EMILIN2: variants seen among roughly 807,000 people sequenced by gnomAD.
The protein encoded by EMILIN2 is EMILIN-2.
A neutral mutation model predicts 87.1 loss-of-function variants in EMILIN2; 71 were observed. The ratio of observed to expected loss-of-function variants is 0.82; its 90% CI spans 0.67 to 0.99. The LOEUF (loss-of-function observed/expected upper bound fraction) is 0.99. Ranked by LOEUF, EMILIN2 falls within the 50% of genes least tolerant of loss-of-function variation. The pLI is 0.00. For missense variants in EMILIN2, 1,407 were observed against 1,371.8 expected (o/e 1.03, Z -0.40); for synonymous variants, 581 against 563.4 (o/e 1.03, Z -0.44).
Position 2,847,363 on chromosome 18 carries a change from C to CT in EMILIN2, c.134+42dup, listed in dbSNP as rs1483119282. 5.5e-6 allele frequency: 7 copies of CT among 1,275,544 alleles called. No individual in the cohort carries two copies. The East Asian group carries it at 2.0e-4, about 36-fold the overall frequency. 79.0% of individuals were successfully genotyped at this position (1,275,544 alleles called of 1,614,324 possible). A position where few individuals can be genotyped will look rare whatever the true frequency, so the allele number is the denominator to read the frequency against. On this transcript the variant is annotated intron_variant, in intron 1 of 7. Coordinates refer to ENST00000254528, the MANE Select transcript of EMILIN2 (RefSeq NM_032048.3). The surrounding 1 kb of genome is among the most constrained non-coding windows in gnomAD (Gnocchi z 4.5). ...TTGGCTGGCCCCAAACCGCCTACCC[C>CT]TCCCCGGCCCCCAGTTGAGCCCCAG...
At chr18:2,910,896 C>G (rs568000499) in intron 7 of EMILIN2, among the ~76,000 whole-genome samples, 3 of 152,334 alleles carry the variant, frequency 2.0e-5, no homozygotes, top group South Asian at 4.1e-4. Flanking sequence ...AGCTTGGCAT[C>G]TAAGGTCAGG....
At position 2,864,378 on chromosome 18, in the gene EMILIN2, T is replaced by G. The variant is rs541116269; in HGVS notation, c.257+16447T>G. Among the ~76,000 whole-genome samples the G allele has an allele frequency of 1.9e-3, 297 of 152,330 alleles. 14 individuals are homozygous for G. In the South Asian group the frequency reaches 0.059, roughly 30 times the overall value. On this transcript the variant is annotated intron_variant, in intron 2 of 7. Transcript: ENST00000254528. ...TGGTACCGGTTGTTCCTTTCCATAT[T>G]TAGTGCTTCCTGCAGGAGCTCTTTT... is the stretch of plus-strand genomic sequence containing the variant.
In EMILIN2 at chr18:2,891,005, A is replaced by T; in HGVS notation, c.878A>T (p.Gln293Leu). Residue 293 changes from glutamine (Q) to leucine (L), a missense_variant, in exon 4 of 8, where the codon CAG (glutamine) becomes CTG (leucine). Gln to Leu is a moderately radical substitution (Grantham distance 113, BLOSUM62 -2). Transcript: ENST00000254528. This position sits in a 1 kb window ranked among gnomAD's most constrained non-coding sequence, Gnocchi z 4.6. Reference sequence around the variant, plus strand: ...GGAAAAGTGAAGGGCTACGAAGGGCAGCTCAGACAGCTCCAGGAAGCAGCT... The same window carrying T: ...GGAAAAGTGAAGGGCTACGAAGGGCTGCTCAGACAGCTCCAGGAAGCAGCT... ...LDGKVKGYEG[Q>L]LRQLQEAAQG... 1 of 1,614,238 alleles carries T rather than the reference A, an allele frequency of 6.2e-7. No homozygotes were observed. Among genetic ancestry groups the T allele is most frequent in the Non-Finnish European group, 8.5e-7 (1 of 1,180,042 alleles).
intron 4 of EMILIN2, among the ~76,000 whole-genome samples, chr18:2,893,677 G>A (rs1178606950): frequency 2.0e-5 from 3 of 152,202 alleles, no homozygotes; most frequent in African/African-American, 4.8e-5. Context: ...GAGTCTGGGC[G>A]TGAAAGGAAG....
chr18:2,871,658 C>T (rs1161105347), intron 2 of EMILIN2, among the ~76,000 whole-genome samples: 1 of 152,130 alleles, frequency 6.6e-6, no homozygotes, highest in African/African-American at 2.4e-5. Context: ...GAAAGGACCA[C>T]GTGTTGCAAA....
chr18:2,892,419 G>C lies in EMILIN2; in HGVS notation c.2292G>C (p.Gln764His). The change falls in exon 4 of 8, where the codon CAG (glutamine) becomes CAC (histidine). Residue 764 changes from glutamine to histidine, a missense_variant. Physicochemically the swap from Gln to His is conservative, Grantham distance 24. Transcript: ENST00000254528. ...DISGLKNSVQ[Q>H]FYSHVFQIST... ...CTGGCCTGAAGAATTCAGTCCAGCAGTTCTACAGCCACGTCTTCCAGATTT... is the reference window on the plus strand; with the variant it reads ...CTGGCCTGAAGAATTCAGTCCAGCACTTCTACAGCCACGTCTTCCAGATTT... The C allele has an allele frequency of 1.2e-6, 2 of 1,613,534 alleles. No individual in the cohort carries two copies. The highest frequency in any genetic ancestry group is 2.2e-5 in the South Asian group (2 of 91,076).
At position 2,890,777 on chromosome 18, in the gene EMILIN2, A is replaced by T. The variant is rs772893330; in HGVS notation, c.650A>T (p.Gln217Leu). Reference sequence around the variant, plus strand: ...AGTGAAAATCTCAAACATGCCACTCAGGATGATGCCAGTAGAACACGGGCA... The same window carrying T: ...AGTGAAAATCTCAAACATGCCACTCTGGATGATGCCAGTAGAACACGGGCA... ...GVSENLKHAT[Q>L]DDASRTRAPG... The change falls in exon 4 of 8, where the codon CAG becomes CTG. Residue 217 changes from glutamine to leucine, a missense_variant. Coordinates refer to ENST00000254528, the MANE Select transcript of EMILIN2 (RefSeq NM_032048.3). The surrounding 1 kb of genome is among the most constrained non-coding windows in gnomAD (Gnocchi z 4.7). 4.3e-6 allele frequency: 7 copies of T among 1,613,682 alleles called. No individual in the cohort carries two copies. Among genetic ancestry groups the T allele is most frequent in the Non-Finnish European group, 3.4e-6 (4 of 1,179,816 alleles).
At chr18:2,865,638 G>T (rs1372951302) in intron 2 of EMILIN2, among the ~76,000 whole-genome samples, 1 of 152,218 alleles carries the variant, frequency 6.6e-6, no homozygotes, top group Non-Finnish European at 1.5e-5. Context: ...GTGCCTCCCA[G>T]TTAGGCTACT....
At position 2,847,221 on chromosome 18, in the gene EMILIN2, G is replaced by C; in HGVS notation, c.33G>C (p.Val11=). 3 of 1,250,288 alleles carry C rather than the reference G, an allele frequency of 2.4e-6. No individual in the cohort carries two copies. The highest frequency in any genetic ancestry group is 3.0e-6 in the Non-Finnish European group (3 of 998,410). 77.4% of individuals were successfully genotyped at this position (1,250,288 alleles called of 1,614,324 possible). Residue 11 remains valine (V), a synonymous_variant, in exon 1 of 8, where the codon GTG becomes GTC. Coordinates refer to ENST00000254528, the MANE Select transcript of EMILIN2 (RefSeq NM_032048.3). This position sits in a 1 kb window ranked among gnomAD's most constrained non-coding sequence, Gnocchi z 4.5. MWQPRRPWPR[V]PWRWALALLA... The stretch of plus-strand genomic sequence containing the variant: ...AGCCCAGACGGCCCTGGCCCCGCGT[G>C]CCCTGGCGCTGGGCGCTGGCGCTGC...
intron 2 of EMILIN2, among the ~76,000 whole-genome samples, chr18:2,851,460 CT>C (rs1440248538): frequency 6.6e-6 from 1 of 152,058 alleles, no homozygotes; most frequent in African/African-American, 2.4e-5. Flanking sequence ...AGCATTCTGC[CT>C]ATCTGGGGAC....
At chr18:2,852,133 G>A (rs1054533703) in intron 2 of EMILIN2, among the ~76,000 whole-genome samples, 1 of 152,198 alleles carries the variant, frequency 6.6e-6, no homozygotes, top group Non-Finnish European at 1.5e-5. Flanking sequence ...ATATAGAAGT[G>A]TTGAGAATGC....
intron 2 of EMILIN2, among the ~76,000 whole-genome samples, chr18:2,861,692 C>T (rs1457210341): frequency 3.3e-5 from 5 of 152,108 alleles, no homozygotes; most frequent in Non-Finnish European, 7.4e-5. Context: ...GTTCTTTTGG[C>T]TTAGGATTGA....
At chr18:2,906,275 G>C (rs1009782207) in intron 4 of EMILIN2, 1 of 152,778 alleles carries the variant, frequency 6.5e-6, no homozygotes, top group Admixed American at 6.5e-5. Flanking sequence ...CGACGTGGGC[G>C]CTGTGGCCGC....
chr18:2,868,958 T>G (rs1357876837), intron 2 of EMILIN2, among the ~76,000 whole-genome samples: 2 of 149,798 alleles, frequency 1.3e-5, no homozygotes, highest in Non-Finnish European at 3.0e-5. Context: ...GAAGGGAGTT[T>G]TTTTTTTTTT....
intron 2 of EMILIN2, among the ~76,000 whole-genome samples, chr18:2,852,659 C>A (rs1341408790): frequency 6.6e-6 from 1 of 152,164 alleles, no homozygotes; most frequent in Non-Finnish European, 1.5e-5. Flanking sequence ...GCTGAGATTA[C>A]AGGCCTGTAC....
chr18:2,888,963 A>C (rs143702642), intron 3 of EMILIN2, among the ~76,000 whole-genome samples: 1,610 of 152,180 alleles, frequency 0.011, 22 homozygotes, highest in Non-Finnish European at 0.013. Context: ...TTAATTTCCA[A>C]TGTTTTCCAG....
At chr18:2,909,161 T>G (rs1478748662) in intron 6 of EMILIN2, among the ~76,000 whole-genome samples, 186 bp downstream of exon 6, 1 of 152,186 alleles carries the variant, frequency 6.6e-6, no homozygotes, top group Non-Finnish European at 1.5e-5. Flanking sequence ...CCCCAAGGTT[T>G]GCTCCCCAGA....
At position 2,848,002 on chromosome 18, in the gene EMILIN2, G is replaced by C; in HGVS notation, c.257+71G>C. The C allele has an allele frequency of 6.8e-7, 1 of 1,474,846 alleles. No homozygotes were observed. Among genetic ancestry groups the C allele is most frequent in the Non-Finnish European group, 9.0e-7 (1 of 1,108,776 alleles). The allele number at this position is 1,474,846 out of a possible 1,614,324, so 91.4% of individuals were successfully genotyped here. On this transcript the variant is annotated intron_variant, in intron 2 of 7. Coordinates refer to ENST00000254528, the MANE Select transcript of EMILIN2 (RefSeq NM_032048.3). The surrounding 1 kb of genome is among the most constrained non-coding windows in gnomAD (Gnocchi z 4.1). ...GCGGTGGGGGTGGGGTGGGGTTGCT[G>C]CGCTGGGCTCCAGTCCCTCCGGTAA...
rs601071 is a variant in EMILIN2, at chr18:2,913,581, G to A, written c.*177G>A. On this transcript the variant is annotated 3_prime_UTR_variant, in exon 8 of 8. Transcript: ENST00000254528. ...CTTACTGCATCCAGCCAGGCTGCAG[G>A]GAGTGAGGCACACGGTGAACATGGC... 0.19 allele frequency: 111,418 copies of A among 582,844 alleles called. 11,905 individuals carry two copies. The highest frequency in any genetic ancestry group is 0.39 in the East Asian group (13,001 of 33,744). The allele number at this position is 582,844 out of a possible 1,614,324, so 36.1% of individuals were successfully genotyped here. A position where few individuals can be genotyped will look rare whatever the true frequency, so the allele number is the denominator to read the frequency against.
Sources: allele counts gnomAD v4.1 joint callset (sites outside exome capture counted in the v4.1 genomes callset), GRCh38; gene constraint gnomAD v4.1.1; non-coding constraint Gnocchi (gnomAD v3.1); transcripts MANE v1.5; gene names NCBI Gene and HGNC (gene_info 2026-07-23, HGNC 2026-07-21).